CCDC141: variants seen among roughly 807,000 people sequenced by gnomAD.
CCDC141 encodes coiled-coil domain containing 141.
Under a neutral mutation model 181.0 loss-of-function variants are expected in CCDC141, and 168 were observed. The observed-to-expected ratio is 0.93, with a 90% confidence interval of 0.82 to 1.05. CCDC141 has a LOEUF of 1.05. CCDC141 is among the 50% of genes least tolerant of loss of function. The pLI is 0.00. For missense variants in CCDC141, 1,902 were observed against 1,788.5 expected (o/e 1.06, Z -1.14); for synonymous variants, 666 against 642.3 (o/e 1.04, Z -0.56).
chr2:178,992,340 CT>C (rs34507992), intron 2 of CCDC141, among the ~76,000 whole-genome samples: 44,071 of 118,258 alleles, frequency 0.37, 7,424 homozygotes, highest in Middle Eastern at 0.45. Context: ...TAAAATAGAC[CT>C]TTTTTTTTTT....
At position 178,869,139 on chromosome 2, in the gene CCDC141, T is replaced by C. The variant is rs766637680; in HGVS notation, c.2372A>G (p.Gln791Arg). The C allele has an allele frequency of 3.8e-6, 6 of 1,597,658 alleles. No individual in the cohort carries two copies. The East Asian group carries it at 1.1e-4, about 30-fold the overall frequency. The part of the protein sequence containing the change: ...DYEDILYKVV[Q>R]FHQVKEELGR... ...TACCTCTTCCTTGACTTGATGGAACTGGACCACCTTGTACAGGATATCCTC... is the reference window on the plus strand; with the variant it reads ...TACCTCTTCCTTGACTTGATGGAACCGGACCACCTTGTACAGGATATCCTC... Residue 791 changes from glutamine to arginine, a missense_variant, in exon 15 of 24, where the codon CAG becomes CGG. Transcript: ENST00000443758.
chr2:178,899,920 G>A (rs750197854), intron 8 of CCDC141, among the ~76,000 whole-genome samples: 6 of 152,100 alleles, frequency 3.9e-5, no homozygotes, highest in Non-Finnish European at 7.4e-5. Flanking sequence ...CAGAATGCAT[G>A]GGATTGAGGT....
intron 5 of CCDC141, among the ~76,000 whole-genome samples, chr2:178,953,920 C>T (rs1374249374): frequency 6.6e-6 from 1 of 152,202 alleles, no homozygotes; most frequent in Non-Finnish European, 1.5e-5. Context: ...TCATATATGT[C>T]ATCTCTAATA....
At chr2:178,952,831 T>C (rs780616357) in intron 5 of CCDC141, among the ~76,000 whole-genome samples, 5 of 152,232 alleles carry the variant, frequency 3.3e-5, no homozygotes, top group Non-Finnish European at 7.3e-5. Flanking sequence ...TATTTGGCCT[T>C]ATGCCAGCCA....
chr2:178,990,500 T>C (rs1466096814), intron 2 of CCDC141, among the ~76,000 whole-genome samples: 2 of 142,150 alleles, frequency 1.4e-5, no homozygotes, highest in African/African-American at 5.3e-5. Context: ...TATTGATACA[T>C]AGTACAAAAG....
intron 5 of CCDC141, among the ~76,000 whole-genome samples, chr2:178,950,774 T>C (rs918175000): frequency 6.6e-6 from 1 of 152,212 alleles, no homozygotes; most frequent in Non-Finnish European, 1.5e-5. Context: ...TGATGGGCAG[T>C]AGGAAAGCTA....
chr2:178,950,953 C>G (rs1278124759), intron 5 of CCDC141, among the ~76,000 whole-genome samples: 3 of 152,136 alleles, frequency 2.0e-5, no homozygotes, highest in Non-Finnish European at 4.4e-5. Flanking sequence ...AAGGACTTCC[C>G]TTCTTAACAT....
intron 4 of CCDC141, among the ~76,000 whole-genome samples, chr2:178,962,881 T>C (rs1355323060): frequency 3.3e-5 from 5 of 152,176 alleles, no homozygotes; most frequent in African/African-American, 7.2e-5. Flanking sequence ...CCCTGAACTT[T>C]TCACTATGTC....
intron 6 of CCDC141, among the ~76,000 whole-genome samples, chr2:178,922,907 C>T (rs1470635605): frequency 6.6e-6 from 1 of 152,148 alleles, no homozygotes; most frequent in African/African-American, 2.4e-5. Context: ...TTCTTAATTA[C>T]ATTTTCACAT....
At chr2:178,901,260 G>A (rs950626073) in intron 8 of CCDC141, among the ~76,000 whole-genome samples, 1 of 152,046 alleles carries the variant, frequency 6.6e-6, no homozygotes, top group African/African-American at 2.4e-5. Context: ...ATTTTATGAG[G>A]CCAGCATCAT....
chr2:178,967,450 A>G (rs1261541746), intron 4 of CCDC141, among the ~76,000 whole-genome samples: 1 of 152,224 alleles, frequency 6.6e-6, no homozygotes, highest in African/African-American at 2.4e-5. Flanking sequence ...ATTCTTAAAG[A>G]AAAGAATTTT....
chr2:179,035,684 T>C (rs2154387360), intron 2 of CCDC141, among the ~76,000 whole-genome samples: 1 of 152,296 alleles, frequency 6.6e-6, no homozygotes, highest in South Asian at 2.1e-4. Context: ...CAACATGGGC[T>C]TCTCTACAGT....
At chr2:179,020,348 G>A (rs374635273) in intron 2 of CCDC141, among the ~76,000 whole-genome samples, 1 of 152,088 alleles carries the variant, frequency 6.6e-6, no homozygotes, top group Non-Finnish European at 1.5e-5. Context: ...ACTGCCCCAC[G>A]CAGGGGAACT....
chr2:178,877,059 G>A (rs1686386128), intron 12 of CCDC141: 1 of 152,116 alleles, frequency 6.6e-6, no homozygotes, highest in South Asian at 2.1e-4. Context: ...ACTCTGTGTT[G>A]CACCTGTAGT....
intron 2 of CCDC141, among the ~76,000 whole-genome samples, chr2:179,033,653 T>TAA (rs2043060254): frequency 6.6e-6 from 1 of 152,206 alleles, no homozygotes; most frequent in African/African-American, 2.4e-5. Context: ...TTTTGTCCTG[T>TAA]CTGTCTAAAT....
chr2:178,818,219 T>C, the CCDC141 span, among the ~76,000 whole-genome samples: 5 of 152,276 alleles, frequency 3.3e-5, no homozygotes, highest in East Asian at 9.6e-4. Context: ...ATAATTCCCC[T>C]GACTGAAAAA....
chr2:178,859,276 AT>A (rs1336743256), intron 17 of CCDC141, among the ~76,000 whole-genome samples: 2 of 152,180 alleles, frequency 1.3e-5, no homozygotes, highest in Admixed American at 6.5e-5. Flanking sequence ...CGATTGAAAA[AT>A]CTTGCCATTC....
At chr2:178,928,282 G>A (rs1558986940) in intron 6 of CCDC141, among the ~76,000 whole-genome samples, 1 of 152,156 alleles carries the variant, frequency 6.6e-6, no homozygotes, top group Non-Finnish European at 1.5e-5. Context: ...GGAAGCTGAA[G>A]CTAGCTGAAA....
intron 2 of CCDC141, among the ~76,000 whole-genome samples, chr2:179,043,568 C>CA (rs2043383924): frequency 6.6e-6 from 1 of 152,156 alleles, no homozygotes; most frequent in Non-Finnish European, 1.5e-5. Context: ...GAACTAAAGA[C>CA]AAAAACCACA....
Sources: gnomAD v4.1 joint callset for allele counts (sites outside exome capture counted in the v4.1 genomes callset) on GRCh38, gnomAD v4.1.1 for gene constraint, MANE v1.5 for transcripts, NCBI Gene and HGNC (gene_info 2026-07-23, HGNC 2026-07-21) for gene names.